The following RBMS3 variants were observed in gnomAD, a reference collection of about 807,000 sequenced individuals.
The protein encoded by RBMS3 is RNA binding motif single stranded interacting protein 3.
A neutral mutation model predicts 66.8 loss-of-function variants in RBMS3; 27 were observed. The ratio of observed to expected loss-of-function variants is 0.40; its 90% CI spans 0.30 to 0.56. The LOEUF (loss-of-function observed/expected upper bound fraction) is 0.56. Ranked by LOEUF, RBMS3 falls within the 20% of genes least tolerant of loss-of-function variation. The probability of loss-of-function intolerance (pLI) is 0.40; values close to 1 mark genes in which losing one functional copy is unlikely to be tolerated. For synonymous variants in RBMS3, 188 were observed against 183.0 expected, an observed-to-expected ratio of 1.03 and a Z score of -0.22; for missense variants, 513 against 549.5, an observed-to-expected ratio of 0.93 and a Z score of 0.66.
At chr3:29,423,320 T>C (rs2040823602) in intron 1 of RBMS3, among the ~76,000 whole-genome samples, 1 of 152,212 alleles carries the variant, frequency 6.6e-6, no homozygotes, top group Non-Finnish European at 1.5e-5. Context: ...GTTTGGTTAT[T>C]GGTTAAAAAG....
chr3:29,479,068 A>G (rs2043046055), intron 2 of RBMS3, among the ~76,000 whole-genome samples: 1 of 152,204 alleles, frequency 6.6e-6, no homozygotes, highest in Non-Finnish European at 1.5e-5. Context: ...AAGAAAGAGT[A>G]AGATTTTGAA....
At chr3:29,695,741 C>T (rs1357520638) in intron 4 of RBMS3, among the ~76,000 whole-genome samples, 1 of 152,160 alleles carries the variant, frequency 6.6e-6, no homozygotes, top group Non-Finnish European at 1.5e-5. Context: ...GTTAGGAAAT[C>T]GTGTGTGGAC....
At chr3:29,918,828 CT>C (rs1035455115) in intron 10 of RBMS3, among the ~76,000 whole-genome samples, 62 of 151,936 alleles carry the variant, frequency 4.1e-4, no homozygotes, top group East Asian at 1.2e-3. Flanking sequence ...TAAGATGAGA[CT>C]TTTTTTCAAA....
At chr3:29,309,991 G>T (rs2034272842) in intron 1 of RBMS3, among the ~76,000 whole-genome samples, 2 of 151,614 alleles carry the variant, frequency 1.3e-5, no homozygotes, top group African/African-American at 4.8e-5. Flanking sequence ...GAAAGAGGGA[G>T]GCTTGAGCAT....
At chr3:29,654,668 G>A (rs922775672) in intron 4 of RBMS3, among the ~76,000 whole-genome samples, 7 of 150,954 alleles carry the variant, frequency 4.6e-5, no homozygotes, top group African/African-American at 1.7e-4. Context: ...TTGGCTCACT[G>A]TATCCTCCAC....
chr3:29,532,225 A>T (rs2045377199), intron 3 of RBMS3, among the ~76,000 whole-genome samples: 1 of 133,630 alleles, frequency 7.5e-6, no homozygotes, highest in East Asian at 2.4e-4. Flanking sequence ...TTTCAGTCTT[A>T]TTTTAATTTC....
At chr3:29,383,945 A>T (rs1186774180) in intron 1 of RBMS3, among the ~76,000 whole-genome samples, 1 of 152,216 alleles carries the variant, frequency 6.6e-6, no homozygotes, top group African/African-American at 2.4e-5. Context: ...GTATATGTTA[A>T]CTATACGATA....
chr3:29,564,118 T>C (rs2046654962), intron 3 of RBMS3, among the ~76,000 whole-genome samples: 1 of 152,088 alleles, frequency 6.6e-6, no homozygotes, highest in Admixed American at 6.5e-5. Context: ...TTAAAACATA[T>C]GTATGTCACA....
intron 4 of RBMS3, among the ~76,000 whole-genome samples, chr3:29,619,309 T>C (rs2077979): frequency 6.6e-6 from 1 of 151,342 alleles, no homozygotes; most frequent in Non-Finnish European, 1.5e-5. Context: ...AGTTTTAGTT[T>C]AAAAAAAGAA....
chr3:29,866,375 C>G (rs980828618), intron 6 of RBMS3, among the ~76,000 whole-genome samples: 4 of 152,152 alleles, frequency 2.6e-5, no homozygotes, highest in Non-Finnish European at 5.9e-5. Flanking sequence ...AGGAAAATTT[C>G]TTACCTAACA....
rs1290619353 is a variant in RBMS3 at position 30,003,878 on chromosome 3, G to A, written c.*16G>A. ...CAGACCATAAACAGGACTGAAGAAT[G>A]TCTGTCTGAATCTTTGCCTTGAATG... On this transcript the variant is annotated 3_prime_UTR_variant, in exon 15 of 15. Coordinates refer to ENST00000383767, the MANE Select transcript of RBMS3 (RefSeq NM_001003793.3). 1.4e-6 allele frequency: 2 copies of A among 1,448,286 alleles called. No homozygotes were observed. The highest frequency in any genetic ancestry group is 1.8e-6 in the Non-Finnish European group (2 of 1,094,068). The allele number at this position is 1,448,286 out of a possible 1,614,324, so 89.7% of individuals were successfully genotyped here.
At chr3:29,483,207 G>A (rs1172999653) in intron 2 of RBMS3, among the ~76,000 whole-genome samples, 2 of 151,170 alleles carry the variant, frequency 1.3e-5, no homozygotes, top group African/African-American at 4.9e-5. Context: ...TACTCGGGAG[G>A]CTGAGGCAGG....
chr3:29,467,797 A>G (rs2042591984), intron 2 of RBMS3, among the ~76,000 whole-genome samples: 2 of 152,370 alleles, frequency 1.3e-5, no homozygotes, highest in South Asian at 4.1e-4. Flanking sequence ...TCTTATGTGC[A>G]TAAAGACTTA....
At chr3:29,513,360 C>A (rs541633741) in intron 3 of RBMS3, among the ~76,000 whole-genome samples, 65 of 152,214 alleles carry the variant, frequency 4.3e-4, no homozygotes, top group African/African-American at 1.4e-3. Context: ...ACCTGAGAAC[C>A]AAAGGAAATG....
chr3:29,434,971 G>T (rs1415076541), intron 2 of RBMS3, 56 bp downstream of exon 2: 14 of 1,535,078 alleles, frequency 9.1e-6, no homozygotes, highest in African/African-American at 1.4e-5. Context: ...GCCTTGGTGG[G>T]CAGGATGTGT....
At chr3:29,437,422 G>C (rs759818799) in intron 2 of RBMS3, among the ~76,000 whole-genome samples, 58 of 152,220 alleles carry the variant, frequency 3.8e-4, no homozygotes, top group Non-Finnish European at 6.3e-4. Context: ...ACATTGTTGA[G>C]GGAATAAGTT....
chr3:29,397,447 C>T (rs2039603803), intron 1 of RBMS3, among the ~76,000 whole-genome samples: 1 of 152,092 alleles, frequency 6.6e-6, no homozygotes, highest in Non-Finnish European at 1.5e-5. Flanking sequence ...CCCAAATTGG[C>T]CTTGGTTTTA....
At chr3:29,836,606 A>G (rs955123201) in intron 6 of RBMS3, among the ~76,000 whole-genome samples, 15 of 152,038 alleles carry the variant, frequency 9.9e-5, no homozygotes, top group African/African-American at 2.7e-4. Context: ...TTAGTATAAG[A>G]TTAATAAGTT....
In RBMS3 at chr3:29,975,507, A is replaced by G. The variant is rs72849040; in HGVS notation, c.1099-12636A>G. 1.6e-3 allele frequency among the ~76,000 whole-genome samples: 244 copies of G among 152,058 alleles called. 1 individual carries two copies. The highest frequency in any genetic ancestry group is 5.5e-3 in the African/African-American group (230 of 41,540). On this transcript the variant is annotated intron_variant, in intron 12 of 14. Transcript: ENST00000383767. ...TTTAACTTGCATTTTTCTAATGACC[A>G]GTGAGTGAGATCAATCATGTTTTAA...
Sources: allele counts gnomAD v4.1 joint callset (sites outside exome capture counted in the v4.1 genomes callset), GRCh38; gene constraint gnomAD v4.1.1; transcripts MANE v1.5; gene names NCBI Gene and HGNC (gene_info 2026-07-23, HGNC 2026-07-21).